Variants in PPP2R5A observed in about 807,000 individuals in gnomAD.
The protein encoded by PPP2R5A is protein phosphatase 2 regulatory subunit B'alpha.
A neutral mutation model predicts 64.2 loss-of-function variants in PPP2R5A; 25 were observed. That is an observed-to-expected ratio of 0.39 (90% CI 0.28 to 0.54). PPP2R5A has a LOEUF of 0.54. Among genes scored for constraint, PPP2R5A ranks in the 20% least tolerant of loss-of-function variants. PPP2R5A has a pLI of 0.67. For synonymous variants in PPP2R5A, 198 were observed against 201.2 expected, an observed-to-expected ratio of 0.98 and a Z score of 0.13; for missense variants, 425 against 576.3, an observed-to-expected ratio of 0.74 and a Z score of 2.69.
chr1:212,321,361 C>CG (rs1218211571), intron 1 of PPP2R5A, among the ~76,000 whole-genome samples: 2 of 150,188 alleles, frequency 1.3e-5, no homozygotes, highest in African/African-American at 2.5e-5. Context: ...GCTGGCCGGG[C>CG]GGGGGGCTGA....
chr1:212,321,763 G>A (rs977047424), intron 1 of PPP2R5A, among the ~76,000 whole-genome samples: 5 of 151,636 alleles, frequency 3.3e-5, no homozygotes, highest in Non-Finnish European at 7.4e-5. Flanking sequence ...AGGCAGAGAC[G>A]CTCCTCACTT....
Position 212,358,687 on chromosome 1 carries a change from A to T in PPP2R5A, c.1228A>T (p.Thr410Ser). 2.5e-6 allele frequency: 4 copies of T among 1,608,574 alleles called. No individual in the cohort carries two copies. Among genetic ancestry groups the T allele is most frequent in the Non-Finnish European group, 3.4e-6 (4 of 1,176,616 alleles). ...YKISKEHWNP[T>S]IVALVYNVLK... ...AGGACTGGCTCATTTTCATTTCAGG[A>T]CCATTGTAGCACTGGTATACAATGT... The change falls in exon 12 of 13, where the codon ACC becomes TCC. Residue 410 changes from threonine (T) to serine (S), a missense_variant and splice_region_variant. Around this residue, in one of 4 missense-constraint regions of PPP2R5A, gnomAD observed 177 missense variants for 244.8 expected, o/e 0.72. Coordinates refer to ENST00000261461, the MANE Select transcript of PPP2R5A (RefSeq NM_006243.4).
chr1:212,322,105 G>T lies in PPP2R5A; in HGVS notation c.182-7030G>T, dbSNP rs568773239. On this transcript the variant is annotated intron_variant, in intron 1 of 12. Transcript: ENST00000261461. ...CGGCAGGCTGAGGCAGGAGAATCAG[G>T]CAGGGAGGTTGCAGTGAGCCGAGAT... Among the ~76,000 whole-genome samples, 9 of 151,520 alleles carry T rather than the reference G, an allele frequency of 5.9e-5. No individual in the cohort carries two copies. The South Asian group carries it at 1.9e-3, about 32-fold the overall frequency.
At chr1:212,288,953 G>A (rs1033916969) in intron 1 of PPP2R5A, among the ~76,000 whole-genome samples, 4 of 152,220 alleles carry the variant, frequency 2.6e-5, no homozygotes, top group Non-Finnish European at 5.9e-5. Flanking sequence ...AAATAATCCA[G>A]CCTTTTCACC....
chr1:212,312,908 A>G (rs990196616), intron 1 of PPP2R5A, among the ~76,000 whole-genome samples: 2 of 152,338 alleles, frequency 1.3e-5, no homozygotes, highest in East Asian at 3.9e-4. Flanking sequence ...CAGGAATGCA[A>G]GGCTGGTTTT....
At chr1:212,301,577 A>G (rs1288382504) in intron 1 of PPP2R5A, among the ~76,000 whole-genome samples, 1 of 152,186 alleles carries the variant, frequency 6.6e-6, no homozygotes, top group East Asian at 1.9e-4. Context: ...AATAAGTCAT[A>G]TTTAGTCACA....
intron 8 of PPP2R5A, among the ~76,000 whole-genome samples, chr1:212,355,182 CTGAT>C (rs1194403017): frequency 1.3e-5 from 2 of 152,016 alleles, no homozygotes; most frequent in African/African-American, 2.4e-5. Context: ...TATTATTCAT[CTGAT>C]TTTTACTGAT....
chr1:212,302,355 A>T (rs1252687906), intron 1 of PPP2R5A, among the ~76,000 whole-genome samples: 1 of 152,132 alleles, frequency 6.6e-6, no homozygotes, highest in Non-Finnish European at 1.5e-5. Context: ...TTTCATTTAC[A>T]TGTTCCTTGA....
At chr1:212,286,451 C>T (rs1007083703) in intron 1 of PPP2R5A, among the ~76,000 whole-genome samples, 160 bp downstream of exon 1, 1 of 152,212 alleles carries the variant, frequency 6.6e-6, no homozygotes, top group Admixed American at 6.5e-5. Flanking sequence ...CTCACGCCCT[C>T]CTCCTTATTC....
intron 1 of PPP2R5A, among the ~76,000 whole-genome samples, chr1:212,289,180 A>G (rs351402): frequency 0.05 from 7,571 of 152,304 alleles, 336 homozygotes; most frequent in African/African-American, 0.12. Context: ...TTAGCATTTT[A>G]AAATTATTTT....
chr1:212,287,838 A>C (rs1658532115), intron 1 of PPP2R5A, among the ~76,000 whole-genome samples: 5 of 152,154 alleles, frequency 3.3e-5, no homozygotes, highest in Admixed American at 2.6e-4. Flanking sequence ...TTAAATTGTC[A>C]AACTGTAGTT....
chr1:212,331,807 G>C (rs999945625), intron 2 of PPP2R5A: 1 of 152,068 alleles, frequency 6.6e-6, no homozygotes, highest in Admixed American at 6.6e-5. Context: ...GTAAAAAGGT[G>C]TGTGTGTGTT....
chr1:212,354,929 C>T (rs1274643878), intron 8 of PPP2R5A, among the ~76,000 whole-genome samples: 1 of 152,206 alleles, frequency 6.6e-6, no homozygotes, highest in African/African-American at 2.4e-5. Context: ...CTACACCATA[C>T]AGCCTAGGTG....
At chr1:212,312,216 A>G (rs893090267) in intron 1 of PPP2R5A, among the ~76,000 whole-genome samples, 1 of 152,216 alleles carries the variant, frequency 6.6e-6, no homozygotes, top group African/African-American at 2.4e-5. Context: ...AGTAGGCTCT[A>G]CCATATAGCC....
chr1:212,304,731 G>GTTTT (rs1401989270), intron 1 of PPP2R5A, among the ~76,000 whole-genome samples: 5 of 124,840 alleles, frequency 4.0e-5, no homozygotes, highest in Non-Finnish European at 6.8e-5. Context: ...GCCGGCCCCA[G>GTTTT]TTTTTTTTTT....
chr1:212,289,533 T>C, intron 1 of PPP2R5A, among the ~76,000 whole-genome samples: 1 of 151,356 alleles, frequency 6.6e-6, no homozygotes, highest in East Asian at 2.1e-4. Context: ...GTTAACTGTT[T>C]TATGTAAATT....
chr1:212,340,150 T>TA (rs1416920750), intron 3 of PPP2R5A, among the ~76,000 whole-genome samples: 4 of 151,918 alleles, frequency 2.6e-5, no homozygotes, highest in African/African-American at 9.7e-5. Context: ...AATATATATA[T>TA]TTTTAAATCA....
At chr1:212,293,440 A>AGT (rs1262845670) in intron 1 of PPP2R5A, among the ~76,000 whole-genome samples, 3 of 152,220 alleles carry the variant, frequency 2.0e-5, no homozygotes, top group African/African-American at 4.8e-5. Flanking sequence ...TAATACTTTT[A>AGT]GTGTATTATT....
chr1:212,333,750 C>G (rs1347960573), intron 3 of PPP2R5A, 152 bp downstream of exon 3: 1 of 474,422 alleles, frequency 2.1e-6, no homozygotes, highest in Non-Finnish European at 3.7e-6. Context: ...TACTGTTTTT[C>G]AATGTTTTTT....
Sources: gnomAD v4.1 joint callset for allele counts (sites outside exome capture counted in the v4.1 genomes callset) on GRCh38, gnomAD v4.1.1 for gene constraint, gnomAD v4.1.1 regional missense constraint, MANE v1.5 for transcripts, NCBI Gene and HGNC (gene_info 2026-07-23, HGNC 2026-07-21) for gene names.